The following SLC5A4 variants were observed in gnomAD, a reference collection of about 807,000 sequenced individuals.
SLC5A4 encodes the protein solute carrier family 5 member 4.
Under a neutral mutation model 70.3 loss-of-function variants are expected in SLC5A4, and 55 were observed. That is an observed-to-expected ratio of 0.78 (90% CI 0.63 to 0.98). SLC5A4 has a LOEUF of 0.98. Among genes scored for constraint, SLC5A4 ranks in the 50% least tolerant of loss-of-function variants. The pLI, the probability that SLC5A4 is intolerant of heterozygous loss-of-function variation, is 0.00. For missense variants in SLC5A4, 735 were observed against 839.2 expected, an observed-to-expected ratio of 0.88 and a Z score of 1.53; for synonymous variants, 268 against 305.7, an observed-to-expected ratio of 0.88 and a Z score of 1.29.
At chr22:32,303,104 A>T in the SLC5A4 span, among the ~76,000 whole-genome samples, 2 of 152,176 alleles carry the variant, frequency 1.3e-5, no homozygotes, top group Non-Finnish European at 2.9e-5. Context: ...TCTGAGACAG[A>T]TCTCAATCAA....
intron 7 of SLC5A4, among the ~76,000 whole-genome samples, chr22:32,236,999 C>G (rs528093931): frequency 6.6e-6 from 1 of 152,084 alleles, no homozygotes; most frequent in African/African-American, 2.4e-5. Context: ...CCACCGCGCC[C>G]GGCCTCTAAG....
the SLC5A4 span, among the ~76,000 whole-genome samples, chr22:32,268,857 T>A: frequency 6.6e-6 from 1 of 152,180 alleles, no homozygotes; most frequent in East Asian, 1.9e-4. Context: ...ATGATAATAA[T>A]TTGGGATATA....
At chr22:32,298,861 A>T in the SLC5A4 span, among the ~76,000 whole-genome samples, 288 of 104,578 alleles carry the variant, frequency 2.8e-3, 4 homozygotes, top group African/African-American at 0.01. Flanking sequence ...TGGTGACAAA[A>T]TCTCTCAGCA....
chr22:32,295,234 C>T, the SLC5A4 span, among the ~76,000 whole-genome samples: 14 of 104,880 alleles, frequency 1.3e-4, 3 homozygotes, highest in East Asian at 1.0e-3. Context: ...CCTGAGGAAT[C>T]GCCACACTGA....
chr22:32,230,938 G>T (rs767251807), intron 10 of SLC5A4, 30 bp downstream of exon 10: 18 of 1,435,416 alleles, frequency 1.3e-5, no homozygotes, highest in Middle Eastern at 1.8e-4. Context: ...ACAGGCCTCT[G>T]GGGCTGTCCC....
the SLC5A4 span, among the ~76,000 whole-genome samples, chr22:32,313,739 C>A: frequency 2.0e-5 from 3 of 152,216 alleles, no homozygotes; most frequent in African/African-American, 7.2e-5. Context: ...TCCCAGACTC[C>A]CTTGCAAGCA....
rs767009991 is a variant in SLC5A4 at position 32,251,893 on chromosome 22, G to A, written c.208-19C>T. 6 of 1,562,866 alleles carry A rather than the reference G, an allele frequency of 3.8e-6. No individual in the cohort carries two copies. The Admixed American group carries it at 1.0e-4, about 26-fold the overall frequency. ...CGCCCATCTGGAATGCAAGAGAACA[G>A]ACTAGGGTTGGAGTTAAAAGATCCA... On this transcript the variant is annotated intron_variant, in intron 2 of 14. Coordinates refer to ENST00000266086, the MANE Select transcript of SLC5A4 (RefSeq NM_014227.3).
intron 8 of SLC5A4, among the ~76,000 whole-genome samples, chr22:32,234,169 A>C (rs1925925210): frequency 6.6e-6 from 1 of 152,224 alleles, no homozygotes; most frequent in South Asian, 2.1e-4. Context: ...ATTCCAATTC[A>C]AAGGGTCTAG....
the SLC5A4 span, among the ~76,000 whole-genome samples, chr22:32,260,931 G>T: frequency 1.3e-5 from 2 of 152,116 alleles, no homozygotes; most frequent in Admixed American, 1.3e-4. Flanking sequence ...AAATTAGCTG[G>T]GTGTGATGGC....
the SLC5A4 span, among the ~76,000 whole-genome samples, chr22:32,318,823 G>A: frequency 6.6e-6 from 1 of 152,124 alleles, no homozygotes; most frequent in African/African-American, 2.4e-5. Flanking sequence ...TCACCTCCCT[G>A]TCCTATTCCT....
the SLC5A4 span, among the ~76,000 whole-genome samples, chr22:32,343,585 T>C: frequency 4.6e-5 from 7 of 152,234 alleles, no homozygotes; most frequent in Non-Finnish European, 1.5e-5. Context: ...TCTTAGCTAC[T>C]GTTAGTTAGA....
chr22:32,260,947 C>G, the SLC5A4 span, among the ~76,000 whole-genome samples: 1 of 152,122 alleles, frequency 6.6e-6, no homozygotes, highest in Non-Finnish European at 1.5e-5. Context: ...ATGGCGGGCT[C>G]CTGTAATCCC....
chr22:32,236,111 C>T (rs1926044560), intron 7 of SLC5A4, among the ~76,000 whole-genome samples: 1 of 152,178 alleles, frequency 6.6e-6, no homozygotes, highest in African/African-American at 2.4e-5. Context: ...TGAACAAGAA[C>T]AGCACAGAAG....
the SLC5A4 span, among the ~76,000 whole-genome samples, chr22:32,309,160 G>A: frequency 7.4e-6 from 1 of 134,650 alleles, no homozygotes; most frequent in African/African-American, 2.5e-5. Context: ...CTAACATGAG[G>A]GCAGCGAGCC....
the SLC5A4 span, among the ~76,000 whole-genome samples, chr22:32,333,457 CTG>C: frequency 6.6e-6 from 1 of 152,180 alleles, no homozygotes; most frequent in Non-Finnish European, 1.5e-5. Flanking sequence ...CTGATCCACT[CTG>C]TATCCCCAGT....
At chr22:32,328,524 A>G in the SLC5A4 span, among the ~76,000 whole-genome samples, 2 of 152,106 alleles carry the variant, frequency 1.3e-5, no homozygotes, top group Non-Finnish European at 2.9e-5. Flanking sequence ...AGGCCCACCC[A>G]GTGAGCAACT....
chr22:32,342,028 C>G, the SLC5A4 span, among the ~76,000 whole-genome samples: 2 of 152,204 alleles, frequency 1.3e-5, no homozygotes, highest in Non-Finnish European at 2.9e-5. Context: ...AGACCGTAAG[C>G]TCTGTTCACC....
the SLC5A4 span, among the ~76,000 whole-genome samples, chr22:32,280,317 C>A: frequency 6.6e-6 from 1 of 152,128 alleles, no homozygotes; most frequent in Non-Finnish European, 1.5e-5. Flanking sequence ...GTGCCCAGCC[C>A]TCCAGTTTTT....
At chr22:32,354,415 T>C in the SLC5A4 span, among the ~76,000 whole-genome samples, 1 of 149,076 alleles carries the variant, frequency 6.7e-6, no homozygotes, top group Non-Finnish European at 1.5e-5. Context: ...CTATGGATAA[T>C]GCCCCCAGCC....
Sources: gnomAD v4.1 joint callset for allele counts (sites outside exome capture counted in the v4.1 genomes callset) on GRCh38, gnomAD v4.1.1 for gene constraint, MANE v1.5 for transcripts, NCBI Gene and HGNC (gene_info 2026-07-23, HGNC 2026-07-21) for gene names.